KIAA1191: variants seen among roughly 807,000 people sequenced by gnomAD.
KIAA1191 encodes KIAA1191, also known as putative monooxygenase p33MONOX.
Under a neutral mutation model 31.1 loss-of-function variants are expected in KIAA1191, and 22 were observed. That is an observed-to-expected ratio of 0.71 (90% CI 0.51 to 1.01). The LOEUF (loss-of-function observed/expected upper bound fraction) is 1.01. Among genes scored for constraint, KIAA1191 ranks in the 50% least tolerant of loss-of-function variants. KIAA1191 has a pLI of 0.00. For missense variants in KIAA1191, 319 were observed against 388.0 expected (o/e 0.82, Z 1.49); for synonymous variants, 130 against 143.9 (o/e 0.90, Z 0.69).
chr5:176,346,605 T>A lies in KIAA1191; in HGVS notation c.*995A>T, dbSNP rs1766525632. 1 of 152,260 alleles carries A rather than the reference T, an allele frequency of 6.6e-6. No homozygotes were observed. The allele number at this position is 152,260 out of a possible 1,614,324, so 9.4% of individuals were successfully genotyped here. A position where few individuals can be genotyped will look rare whatever the true frequency, so the allele number is the denominator to read the frequency against. ...CAGCTAAATTAATCTCACTTTAAAG[T>A]GCAAGAAAGGCTCTGCTAGAGTAGT... On this transcript the variant is annotated 3_prime_UTR_variant, in exon 9 of 9. Coordinates refer to ENST00000298569, the MANE Select transcript of KIAA1191 (RefSeq NM_020444.5).
intron 3 of KIAA1191, among the ~76,000 whole-genome samples, chr5:176,356,983 C>A (rs1021895401): frequency 6.6e-6 from 1 of 152,026 alleles, no homozygotes; most frequent in Non-Finnish European, 1.5e-5. Context: ...GCTAATGGTA[C>A]GAGGTTTTCC....
At chr5:176,348,390 A>G (rs1428147300) in intron 6 of KIAA1191, 34 bp from the exon 7 acceptor site, 1 of 1,519,510 alleles carries the variant, frequency 6.6e-7, no homozygotes, top group African/African-American at 1.4e-5. Context: ...GACTTTTTAA[A>G]AATGAAAGCA....
At chr5:176,351,956 A>T (rs1767049377) in intron 5 of KIAA1191, among the ~76,000 whole-genome samples, 1 of 152,062 alleles carries the variant, frequency 6.6e-6, no homozygotes, top group South Asian at 2.1e-4. Context: ...TGACAAACAG[A>T]GCCATGTATC....
chr5:176,351,113 C>T (rs926428290), intron 5 of KIAA1191, among the ~76,000 whole-genome samples: 9 of 151,996 alleles, frequency 5.9e-5, no homozygotes, highest in South Asian at 2.1e-4. Flanking sequence ...GAGGTCAAGG[C>T]GGGCGGATCA....
rs1766524682 is a variant in KIAA1191, at chr5:176,346,598, T to G, written c.*1002A>C. The stretch of plus-strand genomic sequence containing the variant: ...CAAATTACAGCTAAATTAATCTCAC[T>G]TTAAAGTGCAAGAAAGGCTCTGCTA... On this transcript the variant is annotated 3_prime_UTR_variant, in exon 9 of 9. Coordinates refer to ENST00000298569, the MANE Select transcript of KIAA1191 (RefSeq NM_020444.5). The G allele has an allele frequency of 6.6e-6, 1 of 152,292 alleles. No homozygotes were observed. Among genetic ancestry groups the G allele is most frequent in the Non-Finnish European group, 1.5e-5 (1 of 68,054 alleles). 9.4% of individuals were successfully genotyped at this position (152,292 alleles called of 1,614,324 possible).
intron 6 of KIAA1191, among the ~76,000 whole-genome samples, chr5:176,349,579 G>GGGA (rs1383008806): frequency 6.6e-6 from 1 of 152,064 alleles, no homozygotes; most frequent in African/African-American, 2.4e-5. Context: ...AGGCTGAGTT[G>GGGA]GGAGGATCAC....
At chr5:176,356,850 C>A (rs1453503507) in intron 3 of KIAA1191, among the ~76,000 whole-genome samples, 1 of 152,142 alleles carries the variant, frequency 6.6e-6, no homozygotes, top group Non-Finnish European at 1.5e-5. Context: ...ATTTAAACGG[C>A]AAGGGGACCA....
intron 3 of KIAA1191, among the ~76,000 whole-genome samples, chr5:176,356,631 G>A (rs1480339381): frequency 6.6e-6 from 1 of 152,236 alleles, no homozygotes; most frequent in Non-Finnish European, 1.5e-5. Context: ...ATGTCGGGTT[G>A]TGATGCAGCC....
At chr5:176,351,274 G>A (rs1031678581) in intron 5 of KIAA1191, among the ~76,000 whole-genome samples, 9 of 150,972 alleles carry the variant, frequency 6.0e-5, no homozygotes, top group Non-Finnish European at 1.3e-4. Context: ...CCGGGAGGCG[G>A]AGCTTGCAGT....
rs1236144635 is a variant in KIAA1191, at chr5:176,348,057, C to A, written c.573G>T (p.Trp191Cys). 1 of 1,613,594 alleles carries A rather than the reference C, an allele frequency of 6.2e-7. No individual in the cohort carries two copies. Among genetic ancestry groups the A allele is most frequent in the Non-Finnish European group, 8.5e-7 (1 of 1,179,814 alleles). ...AGGCTGTGGAAGAACCAGAAGTGAA[C>A]CAGCCCCTGGGAAAGAAAGAACAAA... is the stretch of plus-strand genomic sequence containing the variant. ...HSSPKQRPRG[W>C]FTSGSSTALP... Residue 191 changes from tryptophan to cysteine, a missense_variant, in exon 8 of 9, where the codon TGG becomes TGT. Physicochemically the swap from Trp to Cys is radical, Grantham distance 215 (BLOSUM62 -2). Transcript: ENST00000298569.
intron 5 of KIAA1191, among the ~76,000 whole-genome samples, chr5:176,351,661 G>A (rs1458331143): frequency 6.6e-6 from 1 of 152,062 alleles, no homozygotes; most frequent in Non-Finnish European, 1.5e-5. Flanking sequence ...CAGAGGCTGA[G>A]GTGGGAGAAT....
At position 176,355,538 on chromosome 5, in the gene KIAA1191, C is replaced by T. The variant is rs201641017; in HGVS notation, c.207+33G>A. Reference sequence around the variant, plus strand: ...GAGCAGAGGAAGGACAAAGGGGTTGCGTATGCCAGAAATGGCCAGCAGGGT... The same window carrying T: ...GAGCAGAGGAAGGACAAAGGGGTTGTGTATGCCAGAAATGGCCAGCAGGGT... On this transcript the variant is annotated intron_variant, in intron 4 of 8. Transcript: ENST00000298569. This position sits in a 1 kb window ranked among gnomAD's most constrained non-coding sequence, Gnocchi z 4.2. The T allele has an allele frequency of 2.1e-4, 327 of 1,592,136 alleles. No individual in the cohort carries two copies. The African/African-American group carries it at 3.4e-3, about 17-fold the overall frequency.
chr5:176,351,117 C>T (rs538151259), intron 5 of KIAA1191, among the ~76,000 whole-genome samples: 9 of 152,078 alleles, frequency 5.9e-5, no homozygotes, highest in East Asian at 3.9e-4. Flanking sequence ...TCAAGGCGGG[C>T]GGATCAAGAG....
Position 176,347,671 on chromosome 5 carries a change from T to C in KIAA1191, c.847A>G (p.Lys283Glu), listed in dbSNP as rs754174492. The change falls in exon 9 of 9, where the codon AAG becomes GAG. Residue 283 changes from lysine to glutamate, a missense_variant. Transcript: ENST00000298569. ...TTATGGGCCCGTGGTGGCTGTTTCT[T>C]TCCTTCCATCACTGGGATGTCCATC... is the stretch of plus-strand genomic sequence containing the variant. ...PKMDIPVMEG[K>E]KQPPRAHNLK... 8.2e-6 allele frequency: 13 copies of C among 1,581,080 alleles called. No homozygotes were observed. Among genetic ancestry groups the C allele is most frequent in the African/African-American group, 1.4e-5 (1 of 73,380 alleles).
intron 1 of KIAA1191, among the ~76,000 whole-genome samples, chr5:176,360,195 C>G (rs1019880145): frequency 7.4e-6 from 1 of 135,280 alleles, no homozygotes; most frequent in African/African-American, 2.8e-5. Flanking sequence ...CTCACTCTGT[C>G]GCCCAGGCTG....
At chr5:176,352,259 C>T (rs1179029238) in intron 5 of KIAA1191, among the ~76,000 whole-genome samples, 4 of 152,076 alleles carry the variant, frequency 2.6e-5, no homozygotes, top group African/African-American at 7.2e-5. Flanking sequence ...CAGCAGCTGC[C>T]GCCACTGAGC....
At chr5:176,349,762 C>T (rs897029076) in intron 6 of KIAA1191, among the ~76,000 whole-genome samples, 3 of 152,148 alleles carry the variant, frequency 2.0e-5, no homozygotes, top group Admixed American at 6.5e-5. Flanking sequence ...TTCTTTCCTG[C>T]GTCGTGTGCT....
intron 4 of KIAA1191, chr5:176,353,487 A>G (rs1427170712): frequency 6.6e-6 from 1 of 152,256 alleles, no homozygotes; most frequent in African/African-American, 2.4e-5. Context: ...GGAAGAACTG[A>G]GAAGAAAGTA....
chr5:176,349,175 A>G (rs1766780024), intron 6 of KIAA1191: 2 of 152,244 alleles, frequency 1.3e-5, no homozygotes, highest in South Asian at 4.1e-4. Flanking sequence ...ACCAAAGTCA[A>G]TCCTACCATT....
Sources: allele counts gnomAD v4.1 joint callset (sites outside exome capture counted in the v4.1 genomes callset), GRCh38; gene constraint gnomAD v4.1.1; non-coding constraint Gnocchi (gnomAD v3.1); transcripts MANE v1.5; gene names NCBI Gene and HGNC (gene_info 2026-07-23, HGNC 2026-07-21).